The following LAMA2 variants were observed in gnomAD, a reference collection of about 807,000 sequenced individuals.
The protein encoded by LAMA2 is laminin subunit alpha-2.
A neutral mutation model predicts 364.8 loss-of-function variants in LAMA2; 269 were observed. The ratio of observed to expected loss-of-function variants is 0.74; its 90% CI spans 0.67 to 0.82. The LOEUF is 0.82. LAMA2 is among the 40% of genes least tolerant of loss of function. LAMA2 has a pLI of 0.00. For synonymous variants in LAMA2, 1,379 were observed against 1,370.6 expected (o/e 1.01, Z -0.14); for missense variants, 3,807 against 3,873.2 (o/e 0.98, Z 0.45).
rs147822520 is a variant in LAMA2, at chr6:129,488,594, A to G, written c.7898+1972A>G. Among the ~76,000 whole-genome samples, 214 of 152,338 alleles carry G rather than the reference A, an allele frequency of 1.4e-3. 1 individual carries two copies. The highest frequency in any genetic ancestry group is 5.0e-3 in the African/African-American group (206 of 41,574). ...AGTATATAGTACATCACTGGAAACCAGTCATTTAGTTAATTGGCCATATAA... is the reference window on the plus strand; with the variant it reads ...AGTATATAGTACATCACTGGAAACCGGTCATTTAGTTAATTGGCCATATAA... On this transcript the variant is annotated intron_variant, in intron 56 of 64. Coordinates refer to ENST00000421865, the MANE Select transcript of LAMA2 (RefSeq NM_000426.4).
chr6:128,910,798 T>G (rs1419000323), intron 1 of LAMA2, among the ~76,000 whole-genome samples: 2 of 150,432 alleles, frequency 1.3e-5, no homozygotes, highest in African/African-American at 2.5e-5. Flanking sequence ...ATGATGGTGA[T>G]GTACAGATGG....
chr6:129,316,269 G>T, intron 27 of LAMA2, 98 bp downstream of exon 27: 2 of 995,244 alleles, frequency 2.0e-6, no homozygotes, highest in Non-Finnish European at 1.6e-6. Flanking sequence ...GAAAGTGATT[G>T]GTTTTGCAGT....
intron 12 of LAMA2, among the ~76,000 whole-genome samples, chr6:129,203,261 TAAC>T (rs2115056071): frequency 6.6e-6 from 1 of 152,360 alleles, no homozygotes; most frequent in African/African-American, 2.4e-5. Flanking sequence ...AGCTTTTCAG[TAAC>T]TTCTTACACT....
intron 14 of LAMA2, among the ~76,000 whole-genome samples, chr6:129,258,213 T>C (rs1377544503): frequency 2.0e-5 from 3 of 152,204 alleles, no homozygotes; most frequent in Non-Finnish European, 2.9e-5. Flanking sequence ...AACCCCGTTG[T>C]GTTAAGGAGA....
intron 4 of LAMA2, among the ~76,000 whole-genome samples, chr6:129,117,699 G>A (rs182320792): frequency 3.0e-4 from 45 of 152,224 alleles, no homozygotes; most frequent in African/African-American, 6.5e-4. Context: ...CACATTCCCC[G>A]ATCACATGCC....
At chr6:129,112,993 A>G (rs188557134) in intron 4 of LAMA2, among the ~76,000 whole-genome samples, 1 of 152,212 alleles carries the variant, frequency 6.6e-6, no homozygotes, top group East Asian at 1.9e-4. Flanking sequence ...CCTTGCAGAA[A>G]CATGTCATAG....
chr6:128,972,779 C>T (rs1487154506), intron 1 of LAMA2, among the ~76,000 whole-genome samples: 3 of 151,902 alleles, frequency 2.0e-5, no homozygotes, highest in Non-Finnish European at 4.4e-5. Context: ...TTAGAGCATC[C>T]ATAAAACTCA....
chr6:129,020,717 G>A (rs1157494950), intron 1 of LAMA2, among the ~76,000 whole-genome samples: 1 of 152,140 alleles, frequency 6.6e-6, no homozygotes, highest in Non-Finnish European at 1.5e-5. Flanking sequence ...CAGGGAAGGG[G>A]TTCATGACAA....
chr6:128,960,263 T>A (rs1781395325), intron 1 of LAMA2, among the ~76,000 whole-genome samples: 1 of 152,134 alleles, frequency 6.6e-6, no homozygotes, highest in Admixed American at 6.5e-5. Context: ...GAACTCTTCT[T>A]TGTTAGATAT....
At chr6:129,291,800 T>A in intron 20 of LAMA2, 80 bp downstream of exon 20, 1 of 893,394 alleles carries the variant, frequency 1.1e-6, no homozygotes. Flanking sequence ...TTTGTATACC[T>A]TCGTATATTA....
intron 14 of LAMA2, among the ~76,000 whole-genome samples, chr6:129,256,699 T>A (rs1303222466): frequency 6.7e-6 from 1 of 148,342 alleles, no homozygotes; most frequent in Non-Finnish European, 1.5e-5. Flanking sequence ...TCTTACTCGA[T>A]GTGGGATTGA....
At chr6:129,069,475 G>A (rs1430113525) in intron 3 of LAMA2, among the ~76,000 whole-genome samples, 1 of 148,230 alleles carries the variant, frequency 6.7e-6, no homozygotes, top group African/African-American at 2.5e-5. Flanking sequence ...TTTTAAATAA[G>A]GAATTACAAA....
intron 12 of LAMA2, among the ~76,000 whole-genome samples, chr6:129,224,524 A>G (rs1455716000): frequency 6.6e-6 from 1 of 152,178 alleles, no homozygotes; most frequent in Non-Finnish European, 1.5e-5. Flanking sequence ...CATCCCATCA[A>G]TACCTAATTT....
At chr6:129,202,238 GAGGAACAAAGATA>G (rs1782348994) in intron 12 of LAMA2, among the ~76,000 whole-genome samples, 1 of 148,458 alleles carries the variant, frequency 6.7e-6, no homozygotes, top group African/African-American at 2.5e-5. Context: ...AACAGGTGCA[GAGGAACAAAGATA>G]AGGAAGAATA....
intron 49 of LAMA2, 84 bp from the exon 50 acceptor site, chr6:129,464,206 G>C: frequency 8.4e-7 from 1 of 1,186,490 alleles, no homozygotes. Context: ...ACAGCCTATA[G>C]TCTCATTGCT....
intron 1 of LAMA2, among the ~76,000 whole-genome samples, chr6:128,962,608 A>G (rs1178638864): frequency 1.3e-5 from 2 of 152,188 alleles, no homozygotes; most frequent in African/African-American, 4.8e-5. Flanking sequence ...TTGTTAAACA[A>G]TAAAGTAATA....
At chr6:129,144,152 A>G in intron 5 of LAMA2, 72 bp downstream of exon 5, 1 of 1,252,864 alleles carries the variant, frequency 8.0e-7, no homozygotes, top group Non-Finnish European at 1.2e-6. Context: ...TAAATACTTT[A>G]AAAATGTTTT....
intron 8 of LAMA2, among the ~76,000 whole-genome samples, chr6:129,161,744 C>T (rs535320814): frequency 6.6e-6 from 1 of 152,158 alleles, no homozygotes; most frequent in Non-Finnish European, 1.5e-5. Context: ...TAAGAGAGAA[C>T]ATGCAGTATC....
chr6:129,265,047 A>C (rs1170297362), intron 15 of LAMA2, among the ~76,000 whole-genome samples: 7 of 152,082 alleles, frequency 4.6e-5, no homozygotes, highest in Admixed American at 4.6e-4. Context: ...TTTTGTGCTG[A>C]TAGTAATGAC....
Sources: gnomAD v4.1 joint callset for allele counts (sites outside exome capture counted in the v4.1 genomes callset) on GRCh38, gnomAD v4.1.1 for gene constraint, MANE v1.5 for transcripts, NCBI Gene and HGNC (gene_info 2026-07-23, HGNC 2026-07-21) for gene names.